PRKCSH: variants seen among roughly 807,000 people sequenced by gnomAD.
PRKCSH encodes the protein PRKCSH beta subunit of glucosidase II.
PRKCSH carries 42 observed loss-of-function variants against 79.7 expected under a neutral mutation model. That is an observed-to-expected ratio of 0.53 (90% CI 0.41 to 0.68). The LOEUF (loss-of-function observed/expected upper bound fraction) is 0.68. Ranked by LOEUF, PRKCSH falls within the 30% of genes least tolerant of loss-of-function variation. The pLI is 0.00. For synonymous variants in PRKCSH, 325 were observed against 288.2 expected (o/e 1.13, Z -1.29); for missense variants, 686 against 709.0 (o/e 0.97, Z 0.37).
intron 2 of PRKCSH, 73 bp downstream of exon 2, chr19:11,436,269 T>C: frequency 2.5e-6 from 4 of 1,590,702 alleles, no homozygotes; most frequent in Non-Finnish European, 3.4e-6. Context: ...GGGATAGGCA[T>C]TTACAGCCTT....
intron 8 of PRKCSH, chr19:11,445,743 G>T: frequency 1.8e-6 from 1 of 542,196 alleles, no homozygotes; most frequent in South Asian, 2.0e-5. Context: ...CTAGTGATCG[G>T]ATGGCTTTTC....
chr19:11,438,113 G>C lies in PRKCSH; in HGVS notation c.339G>C (p.Glu113Asp), dbSNP rs1352818565. Reference sequence around the variant, plus strand: ...AGTACAACAGCGGCGTCATCTGTGAGAACACCTGCAAGTACGTGGGTGACA... The same window carrying C: ...AGTACAACAGCGGCGTCATCTGTGACAACACCTGCAAGTACGTGGGTGACA... ...TDEYNSGVIC[E>D]NTCKEKGRKE... The change falls in exon 5 of 18, where the codon GAG (glutamate) becomes GAC (aspartate). Residue 113 changes from glutamate (E) to aspartate (D), a missense_variant. Coordinates refer to ENST00000677123, the MANE Select transcript of PRKCSH (RefSeq NM_001289104.2). 3 of 1,614,102 alleles carry C rather than the reference G, an allele frequency of 1.9e-6. No individual in the cohort carries two copies. The highest frequency in any genetic ancestry group is 2.5e-6 in the Non-Finnish European group (3 of 1,180,000).
At position 11,447,627 on chromosome 19, in the gene PRKCSH, T is replaced by C. The variant is rs745726987; in HGVS notation, c.1029+9T>C. On this transcript the variant is annotated intron_variant, in intron 11 of 17. Transcript: ENST00000677123. This position sits in a 1 kb window ranked among gnomAD's most constrained non-coding sequence, Gnocchi z 5.6. Reference sequence around the variant, plus strand: ...AGGGGGAGCAGCCCAAGGTCCGTGTTTGGGGGAGAAGTGGAGACAGAGAGG... The same window carrying C: ...AGGGGGAGCAGCCCAAGGTCCGTGTCTGGGGGAGAAGTGGAGACAGAGAGG... The C allele has an allele frequency of 6.5e-5, 102 of 1,580,106 alleles. No individual in the cohort carries two copies. Among genetic ancestry groups the C allele is most frequent in the Middle Eastern group, 1.7e-4 (1 of 5,966 alleles).
In PRKCSH at chr19:11,448,920, C is replaced by G; in HGVS notation, c.1293C>G (p.Val431=). The change falls in exon 15 of 18, where the codon GTC becomes GTG. Residue 431 remains valine, a synonymous_variant. Transcript: ENST00000677123. This position sits in a 1 kb window ranked among gnomAD's most constrained non-coding sequence, Gnocchi z 4.4. The part of the protein sequence containing the change: ...QCYELTTNEY[V]YRLCPFKLVS... ...ATGTCCCGGTCCTCCACAGATACGT[C>G]TACCGCCTCTGCCCCTTCAAGCTTG... 2 of 1,614,170 alleles carry G rather than the reference C, an allele frequency of 1.2e-6. No individual in the cohort carries two copies. Among genetic ancestry groups the G allele is most frequent in the Non-Finnish European group, 1.7e-6 (2 of 1,180,024 alleles).
rs748979326 is a variant in PRKCSH at position 11,436,057 on chromosome 19, A to G, written c.-61A>G. The G allele has an allele frequency of 1.3e-6, 2 of 1,584,534 alleles. No homozygotes were observed. Among genetic ancestry groups the G allele is most frequent in the Non-Finnish European group, 1.7e-6 (2 of 1,164,362 alleles). ...TTCCTGCAGCGTGAAGACACAGCGC[A>G]TCTCCCCGCTGTAGGCTTCCTCCCA... On this transcript the variant is annotated 5_prime_UTR_variant, in exon 2 of 18. Coordinates refer to ENST00000677123, the MANE Select transcript of PRKCSH (RefSeq NM_001289104.2).
Position 11,448,198 on chromosome 19 carries a change from T to G in PRKCSH, c.1127-24T>G. 1.3e-6 allele frequency: 2 copies of G among 1,551,148 alleles called. No individual in the cohort carries two copies. The highest frequency in any genetic ancestry group is 1.7e-6 in the Non-Finnish European group (2 of 1,146,108). On this transcript the variant is annotated intron_variant, in intron 12 of 17. Coordinates refer to ENST00000677123, the MANE Select transcript of PRKCSH (RefSeq NM_001289104.2). The surrounding 1 kb of genome is among the most constrained non-coding windows in gnomAD (Gnocchi z 4.4). ...CCTCCTGGATGGGGTTGAGGACATCTCTGACCTCCAACCCCTCTCCCAGCT... is the reference window on the plus strand; with the variant it reads ...CCTCCTGGATGGGGTTGAGGACATCGCTGACCTCCAACCCCTCTCCCAGCT...
chr19:11,444,907 C>T (rs879825580), intron 7 of PRKCSH, among the ~76,000 whole-genome samples: 7 of 152,034 alleles, frequency 4.6e-5, no homozygotes, highest in Admixed American at 4.6e-4. Context: ...TCTCAGTGGT[C>T]GCTCTCCTCT....
chr19:11,449,628 T>C lies in PRKCSH; in HGVS notation c.*16+200T>C. 1.5e-6 allele frequency: 1 copy of C among 648,352 alleles called. No homozygotes were observed. 40.2% of individuals were successfully genotyped at this position (648,352 alleles called of 1,614,324 possible). The stretch of plus-strand genomic sequence containing the variant: ...TGCGACCTCAGCTGACTGCAACCTC[T>C]ACCTCCCGGGTTCAAACAATTGTCT... On this transcript the variant is annotated intron_variant, in intron 17 of 17. Coordinates refer to ENST00000677123, the MANE Select transcript of PRKCSH (RefSeq NM_001289104.2). This position sits in a 1 kb window ranked among gnomAD's most constrained non-coding sequence, Gnocchi z 6.4.
chr19:11,446,433 A>G, intron 9 of PRKCSH, 83 bp downstream of exon 9: 1 of 1,483,154 alleles, frequency 6.7e-7, no homozygotes. Flanking sequence ...GGGACCAAGG[A>G]AAGCTCCTTG....
intron 8 of PRKCSH, among the ~76,000 whole-genome samples, 192 bp from the exon 9 acceptor site, chr19:11,446,080 A>C (rs1970282238): frequency 6.6e-6 from 1 of 150,646 alleles, no homozygotes; most frequent in African/African-American, 2.4e-5. Context: ...CCCACCCCTT[A>C]CTTTGAGCTC....
chr19:11,442,309 T>TTAGAA (rs1191393734), intron 6 of PRKCSH, 77 bp from the exon 7 acceptor site: 1 of 1,508,754 alleles, frequency 6.6e-7, no homozygotes, highest in Non-Finnish European at 9.0e-7. Flanking sequence ...CCCTGTGGAG[T>TTAGAA]AGAGGCAGGG....
rs2144853724 is a variant in PRKCSH at position 11,448,843 on chromosome 19, GGTGGGGGGTGGCT to G, written c.1287-65_1287-53del. The G allele has an allele frequency of 6.4e-7, 1 of 1,569,544 alleles. No homozygotes were observed. The highest frequency in any genetic ancestry group is 2.2e-5 in the East Asian group (1 of 44,638). On this transcript the variant is annotated intron_variant, in intron 14 of 17. Coordinates refer to ENST00000677123, the MANE Select transcript of PRKCSH (RefSeq NM_001289104.2). The surrounding 1 kb of genome is among the most constrained non-coding windows in gnomAD (Gnocchi z 4.4). Reference sequence around the variant, plus strand: ...CCTGTGTGTGGGGACTGGAGGAGGCGGTGGGGGGTGGCTGTGGGAGGAGGCTGGAATCCCTGCG... The same window carrying G: ...CCTGTGTGTGGGGACTGGAGGAGGCGGTGGGAGGAGGCTGGAATCCCTGCG...
At position 11,447,424 on chromosome 19, in the gene PRKCSH, C is replaced by T. The variant is rs1970361741; in HGVS notation, c.850-15C>T. The stretch of plus-strand genomic sequence containing the variant: ...CCCTGAGTCCACAACACCGACCGCA[C>T]TGCTCACCCGCCAGGCACTGCCCAC... On this transcript the variant is annotated splice_polypyrimidine_tract_variant and intron_variant, in intron 10 of 17. Coordinates refer to ENST00000677123, the MANE Select transcript of PRKCSH (RefSeq NM_001289104.2). The surrounding 1 kb of genome is among the most constrained non-coding windows in gnomAD (Gnocchi z 5.6). The T allele has an allele frequency of 6.2e-7, 1 of 1,613,146 alleles. No homozygotes were observed. The highest frequency in any genetic ancestry group is 1.3e-5 in the African/African-American group (1 of 74,918).
chr19:11,444,664 G>C (rs372878080), intron 7 of PRKCSH, among the ~76,000 whole-genome samples: 2 of 152,160 alleles, frequency 1.3e-5, no homozygotes, highest in African/African-American at 2.4e-5. Context: ...GCTGCTTTCC[G>C]CTCTGCTTAG....
chr19:11,436,064 C>G lies in PRKCSH; in HGVS notation c.-54C>G. 6.3e-7 allele frequency: 1 copy of G among 1,596,620 alleles called. No individual in the cohort carries two copies. Among genetic ancestry groups the G allele is most frequent in the South Asian group, 1.1e-5 (1 of 90,920 alleles). On this transcript the variant is annotated 5_prime_UTR_variant, in exon 2 of 18. Transcript: ENST00000677123. The stretch of plus-strand genomic sequence containing the variant: ...AGCGTGAAGACACAGCGCATCTCCC[C>G]GCTGTAGGCTTCCTCCCACAGAACC...
intron 3 of PRKCSH, among the ~76,000 whole-genome samples, chr19:11,437,429 GC>G (rs1317781826): frequency 6.6e-6 from 1 of 151,252 alleles, no homozygotes; most frequent in African/African-American, 2.4e-5. Context: ...TTGGCTCACT[GC>G]AGTCTCCACC....
intron 5 of PRKCSH, 34 bp downstream of exon 5, chr19:11,438,158 A>AC: frequency 1.2e-6 from 2 of 1,610,554 alleles, no homozygotes. Flanking sequence ...CCATCACCCC[A>AC]CCCCAAGACT....
chr19:11,446,319 G>A lies in PRKCSH; in HGVS notation c.731G>A (p.Gly244Glu). The A allele has an allele frequency of 6.2e-7, 1 of 1,613,874 alleles. No homozygotes were observed. Among genetic ancestry groups the A allele is most frequent in the Non-Finnish European group, 8.5e-7 (1 of 1,179,820 alleles). ...ACTCACCCGGAGCTGGACACAGATG[G>A]GGATGGGGCGTTGTCAGAAGCGGAA... ...LQTHPELDTD[G>E]DGALSEAEAQ... The change falls in exon 9 of 18, where the codon GGG becomes GAG. Residue 244 changes from glycine (G) to glutamate (E), a missense_variant. By Grantham distance (98) the Gly-to-Glu change is moderately conservative. Transcript: ENST00000677123.
chr19:11,442,269 T>C (rs114634588), intron 6 of PRKCSH, 117 bp from the exon 7 acceptor site: 119 of 1,412,654 alleles, frequency 8.4e-5, no homozygotes, highest in Non-Finnish European at 1.1e-4. Context: ...AGACCCAGCT[T>C]GGTGTGTGTT....
Sources: gnomAD v4.1 joint callset for allele counts (sites outside exome capture counted in the v4.1 genomes callset) on GRCh38, gnomAD v4.1.1 for gene constraint, Gnocchi (gnomAD v3.1) non-coding constraint, MANE v1.5 for transcripts, NCBI Gene and HGNC (gene_info 2026-07-23, HGNC 2026-07-21) for gene names.